LRRC7: variants seen among roughly 807,000 people sequenced by gnomAD.
The protein encoded by LRRC7 is leucine rich repeat containing 7.
LRRC7 carries 23 observed loss-of-function variants against 175.7 expected under a neutral mutation model. That is an observed-to-expected ratio of 0.13 (90% CI 0.09 to 0.19). LRRC7 has a LOEUF of 0.19. Ranked by LOEUF, LRRC7 falls within the 10% of genes least tolerant of loss-of-function variation. The pLI, the probability that LRRC7 is intolerant of heterozygous loss-of-function variation, is 1.00. For synonymous variants in LRRC7, 685 were observed against 680.9 expected, an observed-to-expected ratio of 1.01 and a Z score of -0.09; for missense variants, 1,354 against 1,904.7, an observed-to-expected ratio of 0.71 and a Z score of 5.38.
intron 2 of LRRC7, among the ~76,000 whole-genome samples, chr1:69,722,477 G>C (rs1244915927): frequency 2.6e-5 from 4 of 151,942 alleles, no homozygotes; most frequent in Non-Finnish European, 4.4e-5. Context: ...CTTGCATACA[G>C]CTTCTTCCAA....
chr1:69,729,562 A>G (rs1055218617), intron 2 of LRRC7, among the ~76,000 whole-genome samples: 1 of 152,224 alleles, frequency 6.6e-6, no homozygotes, highest in African/African-American at 2.4e-5. Flanking sequence ...CTTTGACTCT[A>G]TGTCTCACAT....
intron 3 of LRRC7, among the ~76,000 whole-genome samples, chr1:69,765,915 C>T (rs893596095): frequency 6.7e-4 from 102 of 151,912 alleles, no homozygotes; most frequent in African/African-American, 2.4e-3. Context: ...AAATATTTAT[C>T]CAAGTGAAAG....
intron 2 of LRRC7, among the ~76,000 whole-genome samples, chr1:69,750,490 A>G (rs533823855): frequency 1.3e-5 from 2 of 152,316 alleles, no homozygotes; most frequent in African/African-American, 4.8e-5. Flanking sequence ...TCTAGAAAAC[A>G]TTGGTTTGAA....
At chr1:69,716,656 GA>G (rs1487664751) in intron 2 of LRRC7, among the ~76,000 whole-genome samples, 1 of 151,668 alleles carries the variant, frequency 6.6e-6, no homozygotes, top group Non-Finnish European at 1.5e-5. Flanking sequence ...ATTCTTTTTT[GA>G]AGGTTACATT....
intron 9 of LRRC7, among the ~76,000 whole-genome samples, chr1:69,980,833 G>T (rs1487284514): frequency 6.6e-6 from 1 of 151,896 alleles, no homozygotes; most frequent in East Asian, 1.9e-4. Context: ...ACTAGACAAT[G>T]GTTTTTATTC....
At chr1:69,976,513 T>G (rs910499176) in intron 8 of LRRC7, among the ~76,000 whole-genome samples, 3 of 152,196 alleles carry the variant, frequency 2.0e-5, no homozygotes, top group African/African-American at 7.2e-5. Flanking sequence ...AGATCAATAC[T>G]TTGCATCTTT....
chr1:69,959,729 A>G (rs1046508857), intron 8 of LRRC7, among the ~76,000 whole-genome samples: 4 of 152,008 alleles, frequency 2.6e-5, no homozygotes, highest in African/African-American at 9.7e-5. Context: ...TACAGTAGGG[A>G]TACTAACACA....
At chr1:70,105,015 G>C (rs12039881) in intron 25 of LRRC7, among the ~76,000 whole-genome samples, 40,283 of 152,014 alleles carry the variant, frequency 0.26, 6,399 homozygotes, top group Non-Finnish European at 0.34. Context: ...GCTTATTTTG[G>C]GCAAAAGAGT....
At chr1:70,024,833 C>CA (rs1425636546) in intron 17 of LRRC7, among the ~76,000 whole-genome samples, 2 of 151,968 alleles carry the variant, frequency 1.3e-5, no homozygotes, top group Non-Finnish European at 2.9e-5. Context: ...TATAAATGGG[C>CA]ATAAAATATG....
At chr1:69,941,522 T>C (rs1648707693) in intron 8 of LRRC7, among the ~76,000 whole-genome samples, 1 of 151,994 alleles carries the variant, frequency 6.6e-6, no homozygotes, top group Non-Finnish European at 1.5e-5. Flanking sequence ...AACCAATTTC[T>C]GGGTAAATCT....
intron 1 of LRRC7, among the ~76,000 whole-genome samples, chr1:69,633,636 C>G (rs1269555165): frequency 6.6e-6 from 1 of 151,998 alleles, no homozygotes; most frequent in African/African-American, 2.4e-5. Context: ...ACCATGTTGG[C>G]CAGGCCGATT....
chr1:69,976,692 T>C (rs1652855868), intron 8 of LRRC7, among the ~76,000 whole-genome samples: 1 of 152,184 alleles, frequency 6.6e-6, no homozygotes, highest in Non-Finnish European at 1.5e-5. Flanking sequence ...AACACAACTC[T>C]ATTCATTGGA....
intron 8 of LRRC7, among the ~76,000 whole-genome samples, chr1:69,962,899 A>G (rs1368040866): frequency 6.6e-6 from 1 of 152,074 alleles, no homozygotes; most frequent in African/African-American, 2.4e-5. Flanking sequence ...TAGGTAATGA[A>G]ATAATCTGTA....
rs78791999 is a variant in LRRC7, at chr1:69,688,631, GT to G, written c.100+10167del. Among the ~76,000 whole-genome samples the G allele has an allele frequency of 2.4e-3, 299 of 124,468 alleles. 3 individuals are homozygous for G. Among genetic ancestry groups the G allele is most frequent in the African/African-American group, 4.8e-3 (166 of 34,882 alleles). 81.7% of individuals were successfully genotyped at this position (124,468 alleles called of 152,430 possible). ...ATCTGTTTCTTGGATTCTTTTTATG[GT>G]TTTTTTTTTTTTTAAAAAAAACCTC... On this transcript the variant is annotated intron_variant, in intron 2 of 26. Transcript: ENST00000651989.
intron 1 of LRRC7, among the ~76,000 whole-genome samples, chr1:69,617,038 GT>G: frequency 6.6e-6 from 1 of 152,130 alleles, no homozygotes; most frequent in Admixed American, 6.6e-5. Context: ...TTTTTGTAAC[GT>G]ATTTGCATTT....
chr1:69,825,045 CTG>C lies in LRRC7; in HGVS notation c.422-699_422-698del, dbSNP rs1679747080. On this transcript the variant is annotated intron_variant, in intron 4 of 26. Transcript: ENST00000651989. The stretch of plus-strand genomic sequence containing the variant: ...TGCATTTTCAGTTTCATAGAAAAAT[CTG>C]TGTTTTTCTGTCACACAGCCAGTAG... 2.6e-5 allele frequency among the ~76,000 whole-genome samples: 4 copies of C among 152,198 alleles called. No homozygotes were observed. The South Asian group carries it at 8.3e-4, about 32-fold the overall frequency.
intron 2 of LRRC7, among the ~76,000 whole-genome samples, chr1:69,713,752 C>T (rs1398585767): frequency 6.6e-6 from 1 of 150,748 alleles, no homozygotes; most frequent in Admixed American, 6.7e-5. Context: ...CATGGCATCT[C>T]GTATGAAACT....
intron 1 of LRRC7, among the ~76,000 whole-genome samples, chr1:69,613,071 C>G (rs1649041366): frequency 6.6e-6 from 1 of 152,016 alleles, no homozygotes; most frequent in Non-Finnish European, 1.5e-5. Flanking sequence ...AATGAACTTT[C>G]AATCACTGTC....
chr1:69,734,177 T>TA (rs887110459), intron 2 of LRRC7, among the ~76,000 whole-genome samples: 107 of 151,966 alleles, frequency 7.0e-4, no homozygotes, highest in African/African-American at 2.5e-3. Context: ...ACAGAAAAAT[T>TA]AAAAAATACA....
Sources: gnomAD v4.1 joint callset for allele counts (sites outside exome capture counted in the v4.1 genomes callset) on GRCh38, gnomAD v4.1.1 for gene constraint, MANE v1.5 for transcripts, NCBI Gene and HGNC (gene_info 2026-07-23, HGNC 2026-07-21) for gene names.